The following PACSIN2 variants were observed in gnomAD, a reference collection of about 807,000 sequenced individuals.
PACSIN2 encodes the protein protein kinase C and casein kinase substrate in neurons protein 2.
In PACSIN2, 25 loss-of-function variants were observed where a neutral mutation model predicts 63.8. That is an observed-to-expected ratio of 0.39 (90% CI 0.29 to 0.55). PACSIN2 has a LOEUF of 0.55. PACSIN2 is among the 20% of genes least tolerant of loss of function. The probability of loss-of-function intolerance (pLI) is 0.62; values close to 1 mark genes in which losing one functional copy is unlikely to be tolerated. For synonymous variants in PACSIN2, 255 were observed against 256.2 expected (o/e 1.00, Z 0.05); for missense variants, 518 against 646.9 (o/e 0.80, Z 2.16).
intron 1 of PACSIN2, among the ~76,000 whole-genome samples, chr22:42,976,478 T>G (rs1165058402): frequency 6.6e-6 from 1 of 152,238 alleles, no homozygotes; most frequent in Non-Finnish European, 1.5e-5. Context: ...GAGGCAACAG[T>G]GCTAAATGCA....
chr22:42,964,714 C>T (rs1920938850), intron 1 of PACSIN2, among the ~76,000 whole-genome samples: 1 of 152,078 alleles, frequency 6.6e-6, no homozygotes, highest in Admixed American at 6.5e-5. Flanking sequence ...CCATCGGCAG[C>T]AGGGACGACA....
chr22:42,940,832 G>C (rs1474821856), intron 1 of PACSIN2, among the ~76,000 whole-genome samples: 2 of 152,232 alleles, frequency 1.3e-5, no homozygotes, highest in Non-Finnish European at 2.9e-5. Context: ...TATTTAGCCA[G>C]GAGAGGCTGT....
intron 7 of PACSIN2, chr22:42,880,650 A>G (rs1929002071): frequency 6.6e-6 from 1 of 152,196 alleles, no homozygotes; most frequent in Admixed American, 6.5e-5. Context: ...AAAAACAAAG[A>G]ATTGCATTAG....
rs149076136 is a variant in PACSIN2 at position 42,972,326 on chromosome 22, T to C, written c.-78+42695A>G. Among the ~76,000 whole-genome samples the C allele has an allele frequency of 2.2e-3, 330 of 152,242 alleles. 1 individual carries two copies. The highest frequency in any genetic ancestry group is 7.7e-3 in the African/African-American group (318 of 41,522). On this transcript the variant is annotated intron_variant, in intron 1 of 10. Transcript: ENST00000263246. ...AAGGCAGCATGCTCTTTAAGAGTCA[T>C]CACCACTCCCTAAGCTCCAGTACCC...
chr22:42,969,474 T>C (rs1921078223), intron 1 of PACSIN2, among the ~76,000 whole-genome samples: 1 of 152,204 alleles, frequency 6.6e-6, no homozygotes, highest in Non-Finnish European at 1.5e-5. Flanking sequence ...TTTTTCTTCT[T>C]ATGGAGGCCT....
chr22:42,889,427 C>G (rs1034909827), intron 4 of PACSIN2, among the ~76,000 whole-genome samples: 1 of 129,718 alleles, frequency 7.7e-6, no homozygotes, highest in Admixed American at 8.3e-5. Flanking sequence ...TTATTTGAGC[C>G]AAAGCCACAA....
At chr22:42,942,478 C>T (rs1158758347) in intron 1 of PACSIN2, among the ~76,000 whole-genome samples, 1 of 152,016 alleles carries the variant, frequency 6.6e-6, no homozygotes, top group Non-Finnish European at 1.5e-5. Context: ...AAGAGTTTTA[C>T]ATCACTTATT....
intron 1 of PACSIN2, among the ~76,000 whole-genome samples, chr22:42,988,296 G>GC (rs1922777295): frequency 6.6e-6 from 1 of 152,150 alleles, no homozygotes; most frequent in Non-Finnish European, 1.5e-5. Flanking sequence ...CAGTTACAAA[G>GC]CCCACGAGGA....
intron 1 of PACSIN2, among the ~76,000 whole-genome samples, chr22:42,932,168 G>T (rs373560391): frequency 7.0e-4 from 107 of 152,160 alleles, no homozygotes; most frequent in Non-Finnish European, 1.0e-3. Context: ...CCCAGCACAG[G>T]ATCTTCTCTC....
chr22:42,938,576 T>C (rs1933009337), intron 1 of PACSIN2, among the ~76,000 whole-genome samples: 1 of 152,228 alleles, frequency 6.6e-6, no homozygotes, highest in Non-Finnish European at 1.5e-5. Flanking sequence ...AAGCAGAGGC[T>C]GTCCAAACAT....
chr22:42,999,777 G>C, intron 1 of PACSIN2, among the ~76,000 whole-genome samples: 1 of 152,336 alleles, frequency 6.6e-6, no homozygotes, highest in Non-Finnish European at 1.5e-5. Context: ...CACTGTGGGG[G>C]ACCACCAGTG....
chr22:42,991,422 C>T (rs1411515276), intron 1 of PACSIN2, among the ~76,000 whole-genome samples: 1 of 152,198 alleles, frequency 6.6e-6, no homozygotes, highest in Non-Finnish European at 1.5e-5. Flanking sequence ...CATCCAGGCA[C>T]AGAAGGCTTC....
chr22:43,011,514 T>A (rs1034036734), intron 1 of PACSIN2, among the ~76,000 whole-genome samples: 1 of 152,238 alleles, frequency 6.6e-6, no homozygotes, highest in Non-Finnish European at 1.5e-5. Context: ...CTGTTTGATA[T>A]TCCACAACAT....
chr22:42,874,301 CAG>C (rs902206733), intron 10 of PACSIN2, among the ~76,000 whole-genome samples: 9 of 132,590 alleles, frequency 6.8e-5, no homozygotes, highest in African/African-American at 2.6e-4. Flanking sequence ...GCTTGGCTAA[CAG>C]AGTGAGACCG....
chr22:43,009,773 T>A (rs1402454803), intron 1 of PACSIN2, among the ~76,000 whole-genome samples: 1 of 152,164 alleles, frequency 6.6e-6, no homozygotes, highest in African/African-American at 2.4e-5. Flanking sequence ...ACATGCACTT[T>A]CCAAAGGTAC....
intron 1 of PACSIN2, among the ~76,000 whole-genome samples, chr22:42,997,429 G>A (rs1923481581): frequency 6.6e-6 from 1 of 151,382 alleles, no homozygotes; most frequent in African/African-American, 2.4e-5. Flanking sequence ...GTGGTGGCAG[G>A]CGCCTGTAGT....
At chr22:42,872,496 A>G (rs9607973) in intron 10 of PACSIN2, among the ~76,000 whole-genome samples, 65,758 of 152,218 alleles carry the variant, frequency 0.43, 14,754 homozygotes, top group Non-Finnish European at 0.48. Context: ...TTTCAGAATT[A>G]GATGCAGTTT....
intron 1 of PACSIN2, among the ~76,000 whole-genome samples, chr22:42,934,877 TTCTTTCTTTTC>T (rs1203430884): frequency 1.3e-5 from 2 of 148,674 alleles, no homozygotes; most frequent in African/African-American, 5.0e-5. Flanking sequence ...TGGATTTCTT[TTCTTTCTTTTC>T]TCTTTCTTTT....
At chr22:42,931,873 G>A (rs549099865) in intron 1 of PACSIN2, among the ~76,000 whole-genome samples, 644 of 152,256 alleles carry the variant, frequency 4.2e-3, no homozygotes, top group Non-Finnish European at 7.6e-3. Flanking sequence ...AACACAGGTG[G>A]TATTAATAAC....
Sources: allele counts gnomAD v4.1 joint callset (sites outside exome capture counted in the v4.1 genomes callset), GRCh38; gene constraint gnomAD v4.1.1; transcripts MANE v1.5; gene names NCBI Gene and HGNC (gene_info 2026-07-23, HGNC 2026-07-21).